The following SYN3 variants were observed in gnomAD, a reference collection of about 807,000 sequenced individuals.
SYN3 encodes the protein synapsin III, also known as synapsin-3.
In SYN3, 35 loss-of-function variants were observed where a neutral mutation model predicts 65.8. That is an observed-to-expected ratio of 0.53 (90% CI 0.41 to 0.70). The LOEUF is 0.70. Ranked by LOEUF, SYN3 falls within the 30% of genes least tolerant of loss-of-function variation. SYN3 has a pLI of 0.00. For missense variants in SYN3, 680 were observed against 749.0 expected (o/e 0.91, Z 1.08); for synonymous variants, 270 against 292.9 (o/e 0.92, Z 0.80).
At chr22:32,562,420 C>T (rs577272767) in intron 7 of SYN3, among the ~76,000 whole-genome samples, 10 of 152,194 alleles carry the variant, frequency 6.6e-5, no homozygotes, top group African/African-American at 9.7e-5. Flanking sequence ...TCTGAGAACT[C>T]GACCTTTAGT....
intron 4 of SYN3, among the ~76,000 whole-genome samples, chr22:32,883,146 G>A (rs898304080): frequency 6.6e-6 from 1 of 152,338 alleles, no homozygotes; most frequent in Non-Finnish European, 1.5e-5. Context: ...CCCCATGGGT[G>A]AGTATTGAGC....
chr22:32,957,554 G>A (rs1483737414), intron 3 of SYN3, among the ~76,000 whole-genome samples: 3 of 152,042 alleles, frequency 2.0e-5, no homozygotes, highest in African/African-American at 4.8e-5. Flanking sequence ...AAAAAGCCCC[G>A]CGCTCTCCCC....
intron 2 of SYN3, among the ~76,000 whole-genome samples, chr22:33,004,944 G>C (rs112789463): frequency 1.3e-5 from 2 of 152,020 alleles, no homozygotes; most frequent in African/African-American, 4.8e-5. Flanking sequence ...GAGGTAATTT[G>C]AATCCTGGGG....
chr22:32,616,411 A>G (rs941942082), intron 6 of SYN3, among the ~76,000 whole-genome samples: 2 of 152,164 alleles, frequency 1.3e-5, no homozygotes, highest in African/African-American at 4.8e-5. Flanking sequence ...GGGAGGAGTC[A>G]TTGCTGACAC....
chr22:32,881,589 C>A (rs1002147136), intron 4 of SYN3, among the ~76,000 whole-genome samples: 22 of 152,312 alleles, frequency 1.4e-4, no homozygotes, highest in African/African-American at 5.1e-4. Flanking sequence ...ACCCAGGTGG[C>A]GCTGATCTCA....
At position 32,742,762 on chromosome 22, in the gene SYN3, C is replaced by A. The variant is rs1250360472; in HGVS notation, c.711+122153G>T. On this transcript the variant is annotated intron_variant, in intron 6 of 13. Transcript: ENST00000358763. ...TTGGCCTTGTTTTCTCCTCAGCAAC[C>A]AGAAGTCCACGTTATTAACAACTTT... is the stretch of plus-strand genomic sequence containing the variant. Among the ~76,000 whole-genome samples the A allele has an allele frequency of 1.1e-4, 16 of 152,162 alleles. No individual in the cohort carries two copies. The East Asian group carries it at 3.1e-3, about 29-fold the overall frequency.
intron 2 of SYN3, among the ~76,000 whole-genome samples, chr22:33,000,221 T>TAGCA (rs1373346190): frequency 6.6e-6 from 1 of 152,046 alleles, no homozygotes; most frequent in African/African-American, 2.4e-5. Flanking sequence ...AACAAACTGC[T>TAGCA]GATTGTCCCC....
intron 1 of SYN3, among the ~76,000 whole-genome samples, chr22:33,028,901 G>A (rs771771895): frequency 2.6e-5 from 4 of 152,070 alleles, no homozygotes; most frequent in Non-Finnish European, 4.4e-5. Context: ...CTAGCCGGGC[G>A]TGGTGGCGGG....
At chr22:32,925,734 G>A (rs1487167990) in intron 4 of SYN3, among the ~76,000 whole-genome samples, 1 of 152,100 alleles carries the variant, frequency 6.6e-6, no homozygotes, top group African/African-American at 2.4e-5. Flanking sequence ...TTAAAAATAT[G>A]AATACCTAAA....
chr22:32,903,870 T>C (rs1013588087), intron 4 of SYN3, among the ~76,000 whole-genome samples: 5 of 152,344 alleles, frequency 3.3e-5, no homozygotes, highest in Middle Eastern at 6.8e-3. Flanking sequence ...TTCAGGAGGC[T>C]GGTGGGAAGA....
chr22:32,730,770 A>G (rs1351974274), intron 6 of SYN3, among the ~76,000 whole-genome samples: 1 of 152,194 alleles, frequency 6.6e-6, no homozygotes, highest in Non-Finnish European at 1.5e-5. Flanking sequence ...ACAGATCTCA[A>G]AGCCTTCCGT....
intron 7 of SYN3, among the ~76,000 whole-genome samples, chr22:32,556,858 T>A (rs1437026717): frequency 1.4e-5 from 2 of 142,018 alleles, no homozygotes; most frequent in African/African-American, 5.2e-5. Flanking sequence ...GGGGTCTTGC[T>A]GTGTTGCCCA....
chr22:32,902,871 CA>C lies in SYN3; in HGVS notation c.461+28518del, dbSNP rs1158432098. On this transcript the variant is annotated intron_variant, in intron 4 of 13. Coordinates refer to ENST00000358763, the MANE Select transcript of SYN3 (RefSeq NM_003490.4). Reference sequence around the variant, plus strand: ...CTGCATTAAGCATAACCCCTGGAGACAAAAAAAAAAAAAAAAGTTGGTGGTC... The same window carrying C: ...CTGCATTAAGCATAACCCCTGGAGACAAAAAAAAAAAAAAAGTTGGTGGTC... Among the ~76,000 whole-genome samples the C allele has an allele frequency of 4.7e-3, 605 of 127,410 alleles. 1 individual carries two copies. The highest frequency in any genetic ancestry group is 0.013 in the East Asian group (44 of 3,404). The allele number at this position is 127,410 out of a possible 152,430, so 83.6% of individuals were successfully genotyped here.
intron 4 of SYN3, among the ~76,000 whole-genome samples, chr22:32,873,231 G>A (rs948145094): frequency 2.6e-5 from 4 of 152,206 alleles, no homozygotes; most frequent in Non-Finnish European, 4.4e-5. Flanking sequence ...GATTACAGAC[G>A]TGAGCCACCG....
At chr22:32,977,517 G>A (rs576255581) in intron 3 of SYN3, among the ~76,000 whole-genome samples, 108 of 151,964 alleles carry the variant, frequency 7.1e-4, no homozygotes, top group Non-Finnish European at 1.1e-3. Flanking sequence ...AGGCCGAGGC[G>A]GGTGGATCAC....
intron 6 of SYN3, among the ~76,000 whole-genome samples, chr22:32,804,253 A>C (rs2046666276): frequency 6.6e-6 from 1 of 152,194 alleles, no homozygotes. Flanking sequence ...TAATGCTTTT[A>C]AAATGGGAGG....
chr22:32,717,166 G>A (rs576857063), intron 6 of SYN3, among the ~76,000 whole-genome samples: 1 of 152,320 alleles, frequency 6.6e-6, no homozygotes, highest in East Asian at 1.9e-4. Flanking sequence ...CAGCTTGCTT[G>A]AGTCCACAGA....
At chr22:32,596,614 C>T (rs1032741779) in intron 7 of SYN3, 60 bp downstream of exon 7, 66 of 1,566,832 alleles carry the variant, frequency 4.2e-5, no homozygotes, top group Admixed American at 1.7e-4. Flanking sequence ...GAGAGAGGAA[C>T]AGGTAGTCTG....
At chr22:32,540,736 G>A (rs1025578767) in intron 8 of SYN3, among the ~76,000 whole-genome samples, 12 of 152,122 alleles carry the variant, frequency 7.9e-5, no homozygotes, top group African/African-American at 2.9e-4. Context: ...TTTCCACTGG[G>A]CAATGGCTCT....
Sources: gnomAD v4.1 joint callset for allele counts (sites outside exome capture counted in the v4.1 genomes callset) on GRCh38, gnomAD v4.1.1 for gene constraint, MANE v1.5 for transcripts, NCBI Gene and HGNC (gene_info 2026-07-23, HGNC 2026-07-21) for gene names.